Variants in MBOAT2 observed in about 807,000 individuals in gnomAD.
MBOAT2 encodes membrane bound glycerophospholipid O-acyltransferase 2.
A neutral mutation model predicts 63.4 loss-of-function variants in MBOAT2; 28 were observed. The observed-to-expected ratio is 0.44, with a 90% CI of 0.33 to 0.61. The LOEUF (loss-of-function observed/expected upper bound fraction) is 0.61, where lower values mean the gene tolerates loss of function less well. Ranked by LOEUF, MBOAT2 falls within the 20% of genes least tolerant of loss-of-function variation. MBOAT2 has a pLI of 0.03. For synonymous variants in MBOAT2, 211 were observed against 215.6 expected, an observed-to-expected ratio of 0.98 and a Z score of 0.19; for missense variants, 470 against 605.8, an observed-to-expected ratio of 0.78 and a Z score of 2.35.
intron 1 of MBOAT2, among the ~76,000 whole-genome samples, chr2:8,990,312 G>C (rs1421083434): frequency 6.6e-6 from 1 of 152,176 alleles, no homozygotes; most frequent in Non-Finnish European, 1.5e-5. Context: ...TCTGGAGATA[G>C]AGACAAAATA....
At chr2:8,940,696 GTA>G (rs1299382201) in intron 3 of MBOAT2, among the ~76,000 whole-genome samples, 5 of 151,840 alleles carry the variant, frequency 3.3e-5, no homozygotes, top group Non-Finnish European at 7.4e-5. Flanking sequence ...GTGTGTGTGT[GTA>G]TATATATATT....
chr2:8,892,488 T>A (rs1038053032), intron 4 of MBOAT2, among the ~76,000 whole-genome samples: 1 of 152,226 alleles, frequency 6.6e-6, no homozygotes, highest in Admixed American at 6.5e-5. Flanking sequence ...ATTTAATTAA[T>A]GAGCACCTAC....
chr2:8,948,662 A>C (rs1668595135), intron 2 of MBOAT2, among the ~76,000 whole-genome samples: 1 of 152,194 alleles, frequency 6.6e-6, no homozygotes, highest in African/African-American at 2.4e-5. Flanking sequence ...GTTGCTGCAA[A>C]GGGCATGATT....
Position 8,990,111 on chromosome 2 carries a change from T to C in MBOAT2, c.75+13429A>G, listed in dbSNP as rs183984491. On this transcript the variant is annotated intron_variant, in intron 1 of 12. Transcript: ENST00000305997. Reference sequence around the variant, plus strand: ...TCATCAAACCCTGCCAACTCGACCCTCTGCTCTCTGAAATTTGAGGCCTAG... The same window carrying C: ...TCATCAAACCCTGCCAACTCGACCCCCTGCTCTCTGAAATTTGAGGCCTAG... Among the ~76,000 whole-genome samples, 191 of 152,342 alleles carry C rather than the reference T, an allele frequency of 1.3e-3. 1 individual carries two copies. Among genetic ancestry groups the C allele is most frequent in the African/African-American group, 4.3e-3 (179 of 41,576 alleles).
intron 2 of MBOAT2, among the ~76,000 whole-genome samples, chr2:8,951,575 T>C (rs935118988): frequency 2.6e-5 from 4 of 152,182 alleles, no homozygotes; most frequent in African/African-American, 9.7e-5. Context: ...TTTTTGTGGT[T>C]GGTAGGTTTT....
In MBOAT2 at chr2:9,003,247, T is replaced by A. The variant is rs977493581; in HGVS notation, c.75+293A>T. ...GCTGCCGCGAAGGGCAGGGACCGCA[T>A]GCACACCCGCACGCCCATACGACCA... On this transcript the variant is annotated intron_variant, in intron 1 of 12. Coordinates refer to ENST00000305997, the MANE Select transcript of MBOAT2 (RefSeq NM_138799.4). The surrounding 1 kb of genome is among the most constrained non-coding windows in gnomAD (Gnocchi z 5.4). 1.3e-5 allele frequency among the ~76,000 whole-genome samples: 2 copies of A among 152,068 alleles called. No individual in the cohort carries two copies. Among genetic ancestry groups the A allele is most frequent in the East Asian group, 1.9e-4 (1 of 5,156 alleles).
intron 3 of MBOAT2, among the ~76,000 whole-genome samples, chr2:8,909,879 A>G (rs1002995517): frequency 2.6e-5 from 4 of 152,300 alleles, no homozygotes; most frequent in Middle Eastern, 3.4e-3. Context: ...GATGCCCAAA[A>G]CAGTATCTCC....
chr2:8,867,850 C>G (rs552759732), intron 9 of MBOAT2, among the ~76,000 whole-genome samples: 1 of 152,340 alleles, frequency 6.6e-6, no homozygotes, highest in Non-Finnish European at 1.5e-5. Flanking sequence ...TTCTAAAACA[C>G]CTATATGATC....
Position 8,869,342 on chromosome 2 carries a change from C to T in MBOAT2, c.884-793G>A, listed in dbSNP as rs192963888. Among the ~76,000 whole-genome samples, 38 of 152,166 alleles carry T rather than the reference C, an allele frequency of 2.5e-4. 1 individual carries two copies. Among genetic ancestry groups the T allele is most frequent in the Non-Finnish European group, 7.4e-5 (5 of 67,992 alleles). ...CATTTCAGGCAAGAGCTACCGCACCCGACCCAGAATTTGTTTTCTAATCCT... is the reference window on the plus strand; with the variant it reads ...CATTTCAGGCAAGAGCTACCGCACCTGACCCAGAATTTGTTTTCTAATCCT... On this transcript the variant is annotated intron_variant, in intron 8 of 12. Coordinates refer to ENST00000305997, the MANE Select transcript of MBOAT2 (RefSeq NM_138799.4).
At chr2:8,911,521 T>C (rs568522798) in intron 3 of MBOAT2, among the ~76,000 whole-genome samples, 1 of 152,234 alleles carries the variant, frequency 6.6e-6, no homozygotes, top group South Asian at 2.1e-4. Context: ...AGAAATCTAA[T>C]CTCTAATGCT....
At chr2:8,958,769 C>G in intron 1 of MBOAT2, 127 bp from the exon 2 acceptor site, 1 of 947,544 alleles carries the variant, frequency 1.1e-6, no homozygotes, top group Non-Finnish European at 1.5e-6. Context: ...GTTAACAAAA[C>G]AAAAACAAAA....
At chr2:8,921,961 C>A (rs1313399328) in intron 3 of MBOAT2, among the ~76,000 whole-genome samples, 1 of 152,070 alleles carries the variant, frequency 6.6e-6, no homozygotes, top group Non-Finnish European at 1.5e-5. Flanking sequence ...AAAGCTTTTT[C>A]TGTCCCTTTC....
chr2:8,883,838 T>C (rs1000519639), intron 5 of MBOAT2, among the ~76,000 whole-genome samples: 2 of 152,202 alleles, frequency 1.3e-5, no homozygotes, highest in South Asian at 2.1e-4. Context: ...TATGCAACAA[T>C]TGGGGAATGG....
Position 8,853,603 on chromosome 2 carries a change from A to G in MBOAT2, c.*5076T>C, listed in dbSNP as rs1660901020. 6.6e-6 allele frequency: 1 copy of G among 152,184 alleles called. No homozygotes were observed. The highest frequency in any genetic ancestry group is 1.5e-5 in the Non-Finnish European group (1 of 68,036). The allele number at this position is 152,184 out of a possible 1,614,324, so 9.4% of individuals were successfully genotyped here. On this transcript the variant is annotated 3_prime_UTR_variant, in exon 13 of 13. Transcript: ENST00000305997. ...GTCATTTTACTTATGTTGCTCTGTA[A>G]CTTTTGGTTTTTCACTGTAGCATTT...
At chr2:8,974,529 C>A in intron 1 of MBOAT2, 1 of 420,588 alleles carries the variant, frequency 2.4e-6, no homozygotes. Context: ...ATCCAGAAAG[C>A]ATGCTATCTC....
intron 2 of MBOAT2, among the ~76,000 whole-genome samples, chr2:8,955,943 T>C (rs1669183847): frequency 1.3e-5 from 2 of 152,228 alleles, no homozygotes; most frequent in Admixed American, 1.3e-4. Context: ...CTTAGTATTT[T>C]TTTACCAATA....
At chr2:8,907,919 A>G (rs1314735209) in intron 4 of MBOAT2, among the ~76,000 whole-genome samples, 1 of 152,110 alleles carries the variant, frequency 6.6e-6, no homozygotes, top group Non-Finnish European at 1.5e-5. Context: ...GATTTTTCCA[A>G]CACACTTATC....
chr2:8,878,070 A>T (rs1662827235), intron 6 of MBOAT2, among the ~76,000 whole-genome samples: 1 of 152,198 alleles, frequency 6.6e-6, no homozygotes, highest in South Asian at 2.1e-4. Context: ...TGCGGTCTCC[A>T]GGCAGGAGGT....
intron 4 of MBOAT2, among the ~76,000 whole-genome samples, chr2:8,906,701 G>T (rs990136712): frequency 6.6e-6 from 1 of 152,224 alleles, no homozygotes; most frequent in Non-Finnish European, 1.5e-5. Flanking sequence ...AAAATAAAAA[G>T]GGTAATGACC....
Sources: gnomAD v4.1 joint callset for allele counts (sites outside exome capture counted in the v4.1 genomes callset) on GRCh38, gnomAD v4.1.1 for gene constraint, Gnocchi (gnomAD v3.1) non-coding constraint, MANE v1.5 for transcripts, NCBI Gene and HGNC (gene_info 2026-07-23, HGNC 2026-07-21) for gene names.